The following AP2A2 variants were observed in gnomAD, a reference collection of about 807,000 sequenced individuals.
AP2A2 encodes the protein AP-2 complex subunit alpha-2.
AP2A2 carries 32 observed loss-of-function variants against 104.2 expected under a neutral mutation model. The observed-to-expected ratio is 0.31, with a 90% confidence interval of 0.23 to 0.41. The LOEUF (loss-of-function observed/expected upper bound fraction) is 0.41. Ranked by LOEUF, AP2A2 falls within the 10% of genes least tolerant of loss-of-function variation. The pLI, the probability that AP2A2 is intolerant of heterozygous loss-of-function variation, is 1.00. For synonymous variants in AP2A2, 539 were observed against 533.3 expected, an observed-to-expected ratio of 1.01 and a Z score of -0.15; for missense variants, 912 against 1,261.0, an observed-to-expected ratio of 0.72 and a Z score of 4.19.
At chr11:956,647 CAT>C (rs1244062024) in intron 1 of AP2A2, 2 of 152,294 alleles carry the variant, frequency 1.3e-5, no homozygotes, top group Non-Finnish European at 2.9e-5. Context: ...CACGTGGTCT[CAT>C]CTCTCTCCCT....
At chr11:928,636 T>C (rs974482749) in intron 1 of AP2A2, among the ~76,000 whole-genome samples, 2 of 152,256 alleles carry the variant, frequency 1.3e-5, no homozygotes, top group African/African-American at 4.8e-5. Flanking sequence ...CTCCAGGCAT[T>C]GACAAATGTG....
intron 5 of AP2A2, 61 bp from the exon 6 acceptor site, chr11:981,137 T>C: frequency 7.0e-7 from 1 of 1,424,300 alleles, no homozygotes; most frequent in South Asian, 1.3e-5. Flanking sequence ...CTTTGGAAGA[T>C]GAGTGAACAC....
chr11:977,763 G>A (rs565232446), intron 5 of AP2A2, among the ~76,000 whole-genome samples: 1 of 152,066 alleles, frequency 6.6e-6, no homozygotes, highest in South Asian at 2.1e-4. Context: ...CAGCAGGGGT[G>A]GATGTGGGCA....
At chr11:934,852 T>G (rs1754360705) in intron 1 of AP2A2, among the ~76,000 whole-genome samples, 1 of 151,816 alleles carries the variant, frequency 6.6e-6, no homozygotes, top group Non-Finnish European at 1.5e-5. Flanking sequence ...AGTACGTGTT[T>G]CTTTTCTTTT....
Position 972,223 on chromosome 11 carries a change from C to A in AP2A2, c.441C>A (p.Phe147Leu). Residue 147 changes from phenylalanine to leucine, a missense_variant, in exon 4 of 22, where the codon TTC (phenylalanine) becomes TTA (leucine). Physicochemically the swap from Phe to Leu is conservative, Grantham distance 22. Coordinates refer to ENST00000448903, the MANE Select transcript of AP2A2 (RefSeq NM_012305.4). ...SVGSREMAEA[F>L]AGEIPKVLVA... is the part of the protein sequence containing the mutation. ...GCAGCCGGGAGATGGCCGAGGCCTT[C>A]GCCGGGGAGATCCCTAAGGTCCTCG... 4 of 1,607,850 alleles carry A rather than the reference C, an allele frequency of 2.5e-6. No individual in the cohort carries two copies. The highest frequency in any genetic ancestry group is 3.4e-6 in the Non-Finnish European group (4 of 1,178,846).
At chr11:956,154 C>T (rs1224565669) in intron 1 of AP2A2, among the ~76,000 whole-genome samples, 1 of 152,122 alleles carries the variant, frequency 6.6e-6, no homozygotes, top group African/African-American at 2.4e-5. Context: ...AGCCCAAATA[C>T]CGTAGTGAGA....
intron 14 of AP2A2, 135 bp downstream of exon 14, chr11:994,380 G>A (rs375453439): frequency 2.6e-5 from 30 of 1,152,522 alleles, no homozygotes; most frequent in East Asian, 1.0e-4. Context: ...TGGACACCCC[G>A]CTGTCCTGTC....
intron 1 of AP2A2, chr11:946,785 T>TAAAAAAAAAAA (rs1853853132): frequency 1.2e-5 from 1 of 83,772 alleles, no homozygotes; most frequent in Non-Finnish European, 2.8e-5. Context: ...AAAAAGAAAT[T>TAAAAAAAAAAA]AAGATATTTC....
chr11:985,191 C>T (rs1855409636), intron 7 of AP2A2, among the ~76,000 whole-genome samples: 1 of 152,172 alleles, frequency 6.6e-6, no homozygotes, highest in Non-Finnish European at 1.5e-5. Context: ...CCATGTTGGC[C>T]AGTCTGTTCT....
At chr11:974,374 G>C (rs1430234228) in intron 4 of AP2A2, among the ~76,000 whole-genome samples, 4 of 152,232 alleles carry the variant, frequency 2.6e-5, no homozygotes, top group African/African-American at 9.7e-5. Context: ...ATCCAGCTAA[G>C]TAGTAGATGA....
chr11:1,009,905 C>T, intron 21 of AP2A2, 88 bp downstream of exon 21: 1 of 1,431,636 alleles, frequency 7.0e-7, no homozygotes. Flanking sequence ...CTCTTTAGTG[C>T]AGTTCAGTCA....
In AP2A2 at chr11:931,550, A is replaced by C. The variant is rs193174770; in HGVS notation, c.67+5462A>C. On this transcript the variant is annotated intron_variant, in intron 1 of 21. Coordinates refer to ENST00000448903, the MANE Select transcript of AP2A2 (RefSeq NM_012305.4). ...CCAGGAAAACAACTTCAGGCAGGAA[A>C]TGACCATTTTTATTTCTCTACATGT... Among the ~76,000 whole-genome samples, 1,010 of 152,326 alleles carry C rather than the reference A, an allele frequency of 6.6e-3. 5 individuals carry two copies. The highest frequency in any genetic ancestry group is 0.011 in the Non-Finnish European group (771 of 68,028).
chr11:964,398 G>A (rs993368669), intron 2 of AP2A2, among the ~76,000 whole-genome samples: 1 of 152,178 alleles, frequency 6.6e-6, no homozygotes, highest in Non-Finnish European at 1.5e-5. Context: ...CAGTCTGTAG[G>A]CTCCATTTTA....
chr11:983,085 A>T (rs1285083503), intron 6 of AP2A2, among the ~76,000 whole-genome samples: 1 of 130,226 alleles, frequency 7.7e-6, no homozygotes. Flanking sequence ...CAATGGCACG[A>T]TCTCGGTTTA....
At chr11:949,189 T>G (rs1273565647) in intron 1 of AP2A2, among the ~76,000 whole-genome samples, 2 of 151,330 alleles carry the variant, frequency 1.3e-5, no homozygotes, top group African/African-American at 4.9e-5. Context: ...GGCAGGAGAA[T>G]CGCTTGAAAC....
chr11:961,914 A>G (rs1854453930), intron 2 of AP2A2, among the ~76,000 whole-genome samples: 1 of 140,458 alleles, frequency 7.1e-6, no homozygotes, highest in Non-Finnish European at 1.5e-5. Flanking sequence ...TGTGGGTCTG[A>G]CAGAGTCGCC....
In AP2A2 at chr11:984,671, C is replaced by T. The variant is rs778252072; in HGVS notation, c.732C>T (p.Leu244=). The T allele has an allele frequency of 6.2e-7, 1 of 1,613,470 alleles. No homozygotes were observed. Among genetic ancestry groups the T allele is most frequent in the Non-Finnish European group, 8.5e-7 (1 of 1,179,558 alleles). ...TCGTGACGTCTGCATCCACAGATCT[C>T]CAGGATTACACTTACTATTTTGTCC... ...SRIVTSASTD[L]QDYTYYFVPA... The change falls in exon 7 of 22, where the codon CTC becomes CTT. Residue 244 remains leucine (L), a synonymous_variant. Coordinates refer to ENST00000448903, the MANE Select transcript of AP2A2 (RefSeq NM_012305.4).
chr11:926,813 C>G (rs1347384380), intron 1 of AP2A2, among the ~76,000 whole-genome samples: 2 of 152,284 alleles, frequency 1.3e-5, no homozygotes, highest in East Asian at 3.9e-4. Context: ...AGCCCCGTGC[C>G]TGTCCCCTCG....
intron 1 of AP2A2, among the ~76,000 whole-genome samples, chr11:934,442 A>G (rs1286850457): frequency 1.3e-5 from 2 of 151,856 alleles, no homozygotes; most frequent in African/African-American, 2.4e-5. Context: ...CACCTTTTCA[A>G]ATTGTAGCCC....
Sources: gnomAD v4.1 joint callset for allele counts (sites outside exome capture counted in the v4.1 genomes callset) on GRCh38, gnomAD v4.1.1 for gene constraint, MANE v1.5 for transcripts, NCBI Gene and HGNC (gene_info 2026-07-23, HGNC 2026-07-21) for gene names.